The following PRKN variants were observed in gnomAD, a reference collection of about 807,000 sequenced individuals.
The protein encoded by PRKN is E3 ubiquitin-protein ligase parkin.
In PRKN, 56 loss-of-function variants were observed where a neutral mutation model predicts 59.5. The ratio of observed to expected loss-of-function variants is 0.94; its 90% CI spans 0.76 to 1.18. The LOEUF (loss-of-function observed/expected upper bound fraction) is 1.18. Among genes scored for constraint, PRKN ranks in the 50% most tolerant of loss-of-function variants. The pLI is 0.00. For synonymous variants in PRKN, 250 were observed against 222.1 expected (o/e 1.13, Z -1.12); for missense variants, 657 against 596.4 (o/e 1.10, Z -1.06).
intron 2 of PRKN, among the ~76,000 whole-genome samples, chr6:162,380,438 T>C (rs1196215493): frequency 1.3e-5 from 1 of 77,930 alleles, no homozygotes; most frequent in Non-Finnish European, 2.3e-5. Flanking sequence ...TGTGTGTATA[T>C]ATATATATGT....
Position 162,558,415 on chromosome 6 carries a change from C to T in PRKN, c.8-114942G>A, listed in dbSNP as rs371514281. On this transcript the variant is annotated intron_variant, in intron 1 of 11. Transcript: ENST00000366898. ...CGCCATCTCGGCTCACTGCAACCTC[C>T]GCCTCCTGGGTTCAAGCGATTCTCC... 1.8e-3 allele frequency among the ~76,000 whole-genome samples: 275 copies of T among 151,396 alleles called. 3 individuals are homozygous for T. Among genetic ancestry groups the T allele is most frequent in the African/African-American group, 6.3e-3 (262 of 41,268 alleles).
intron 1 of PRKN, among the ~76,000 whole-genome samples, chr6:162,465,301 T>C (rs1217428738): frequency 6.6e-6 from 1 of 152,258 alleles, no homozygotes; most frequent in Non-Finnish European, 1.5e-5. Flanking sequence ...CTGTTTATAA[T>C]ATTACCCTTT....
In PRKN at chr6:161,830,045, T is replaced by C. The variant is rs567940567; in HGVS notation, c.735-44137A>G. On this transcript the variant is annotated intron_variant, in intron 6 of 11. Coordinates refer to ENST00000366898, the MANE Select transcript of PRKN (RefSeq NM_004562.3). ...TTTGTCCCTACTACCATCTCTCTTATTCACCTCCCACAGCAATTTGTACAG... is the reference window on the plus strand; with the variant it reads ...TTTGTCCCTACTACCATCTCTCTTACTCACCTCCCACAGCAATTTGTACAG... Among the ~76,000 whole-genome samples, 3 of 152,152 alleles carry C rather than the reference T, an allele frequency of 2.0e-5. No individual in the cohort carries two copies. In the East Asian group the frequency reaches 5.8e-4, roughly 30 times the overall value.
chr6:161,832,225 A>G (rs1267666304), intron 6 of PRKN, among the ~76,000 whole-genome samples: 1 of 152,228 alleles, frequency 6.6e-6, no homozygotes, highest in East Asian at 1.9e-4. Context: ...CAAAATAAGC[A>G]TAGCTTTATG....
intron 7 of PRKN, among the ~76,000 whole-genome samples, chr6:161,685,112 T>A (rs939983720): frequency 6.6e-6 from 1 of 152,236 alleles, no homozygotes; most frequent in East Asian, 1.9e-4. Flanking sequence ...TGTAAAAATA[T>A]TCATTTTTTA....
chr6:162,501,889 C>T (rs932282404), intron 1 of PRKN, among the ~76,000 whole-genome samples: 3 of 148,378 alleles, frequency 2.0e-5, no homozygotes, highest in African/African-American at 7.4e-5. Flanking sequence ...GTGCAGCAAA[C>T]CTCTTCAGGC....
intron 4 of PRKN, among the ~76,000 whole-genome samples, chr6:162,054,614 C>T (rs1311869980): frequency 6.6e-6 from 1 of 152,178 alleles, no homozygotes; most frequent in Non-Finnish European, 1.5e-5. Flanking sequence ...ACCACAGCTA[C>T]ACAAAAGCCA....
chr6:161,900,257 G>C (rs185224329), intron 6 of PRKN, among the ~76,000 whole-genome samples: 1 of 150,918 alleles, frequency 6.6e-6, no homozygotes, highest in Admixed American at 6.6e-5. Flanking sequence ...ACTATGCACC[G>C]TGCAGGTGAG....
chr6:162,572,793 A>G (rs575244758), intron 1 of PRKN, among the ~76,000 whole-genome samples: 10 of 152,282 alleles, frequency 6.6e-5, no homozygotes, highest in African/African-American at 2.4e-4. Flanking sequence ...ACTCCTTTAA[A>G]AATATTTATA....
chr6:161,642,628 G>A (rs575500498), intron 7 of PRKN, among the ~76,000 whole-genome samples: 30 of 152,232 alleles, frequency 2.0e-4, no homozygotes, highest in African/African-American at 7.2e-4. Context: ...GAAGTCAGTG[G>A]AGGTATACAC....
rs1778976286 is a variant in PRKN at position 161,525,234 on chromosome 6, C to T, written c.1083+23620G>A. Among the ~76,000 whole-genome samples the T allele has an allele frequency of 6.6e-6, 1 of 151,908 alleles. No homozygotes were observed. Among genetic ancestry groups the T allele is most frequent in the South Asian group, 2.1e-4 (1 of 4,828 alleles). On this transcript the variant is annotated intron_variant, in intron 9 of 11. Coordinates refer to ENST00000366898, the MANE Select transcript of PRKN (RefSeq NM_004562.3). This position sits in a 1 kb window ranked among gnomAD's most constrained non-coding sequence, Gnocchi z 4.7. ...TAGTATAAAGCCATCCTTTATAAAA[C>T]AGGACAACAAATCTTACACTAAAAA...
intron 2 of PRKN, among the ~76,000 whole-genome samples, chr6:162,406,399 T>C (rs1788075391): frequency 6.6e-6 from 1 of 152,220 alleles, no homozygotes; most frequent in Admixed American, 6.5e-5. Context: ...ATGTGAACTT[T>C]ATTCCAGAAA....
intron 1 of PRKN, among the ~76,000 whole-genome samples, chr6:162,606,165 CCT>C (rs1239868236): frequency 1.3e-5 from 2 of 152,142 alleles, no homozygotes; most frequent in Non-Finnish European, 2.9e-5. Context: ...TCATCTTTTG[CCT>C]CTCACTGAAT....
chr6:161,754,186 G>T (rs1788814479), intron 7 of PRKN, among the ~76,000 whole-genome samples: 1 of 152,074 alleles, frequency 6.6e-6, no homozygotes, highest in African/African-American at 2.4e-5. Context: ...ACCCAATGTT[G>T]CATGACAAGG....
chr6:162,719,290 A>G (rs1778844365), intron 1 of PRKN, among the ~76,000 whole-genome samples: 1 of 152,178 alleles, frequency 6.6e-6, no homozygotes, highest in Non-Finnish European at 1.5e-5. Flanking sequence ...TGTGGTCAGG[A>G]GCCCAGAGAA....
At chr6:161,951,245 T>A (rs1197508916) in intron 6 of PRKN, among the ~76,000 whole-genome samples, 1 of 152,148 alleles carries the variant, frequency 6.6e-6, no homozygotes, top group Non-Finnish European at 1.5e-5. Context: ...CAAGTCTGCC[T>A]TAATTAGATG....
Position 161,410,500 on chromosome 6 carries a change from G to A in PRKN, c.1084-23623C>T, listed in dbSNP as rs1243543795. Among the ~76,000 whole-genome samples the A allele has an allele frequency of 6.6e-6, 1 of 152,150 alleles. No homozygotes were observed. Among genetic ancestry groups the A allele is most frequent in the Non-Finnish European group, 1.5e-5 (1 of 68,036 alleles). ...TGGTTTGAGCTTTTCAGGTTTCACA[G>A]CAAGCTCTTGGTCCCCTAAGGCCCT... On this transcript the variant is annotated intron_variant, in intron 9 of 11. Transcript: ENST00000366898. The surrounding 1 kb of genome is among the most constrained non-coding windows in gnomAD (Gnocchi z 5.3).
intron 7 of PRKN, among the ~76,000 whole-genome samples, chr6:161,728,729 C>T (rs1787553791): frequency 6.6e-6 from 1 of 152,116 alleles, no homozygotes; most frequent in Non-Finnish European, 1.5e-5. Flanking sequence ...GCATTTTGCT[C>T]CCCATGATGA....
intron 4 of PRKN, among the ~76,000 whole-genome samples, chr6:162,172,414 C>T (rs767928068): frequency 3.3e-5 from 5 of 152,224 alleles, no homozygotes; most frequent in Non-Finnish European, 7.3e-5. Context: ...TGTGAGCCGC[C>T]TGCTGCCTGT....
Sources: allele counts gnomAD v4.1 joint callset (sites outside exome capture counted in the v4.1 genomes callset), GRCh38; gene constraint gnomAD v4.1.1; non-coding constraint Gnocchi (gnomAD v3.1); transcripts MANE v1.5; gene names NCBI Gene and HGNC (gene_info 2026-07-23, HGNC 2026-07-21).